BLK: variants seen among roughly 807,000 people sequenced by gnomAD.
The protein encoded by BLK is tyrosine-protein kinase Blk.
Under a neutral mutation model 61.8 loss-of-function variants are expected in BLK, and 64 were observed. The ratio of observed to expected loss-of-function variants is 1.03; its 90% confidence interval spans 0.85 to 1.27. BLK has a LOEUF of 1.27. BLK is among the 50% of genes most tolerant of loss of function. The pLI, the probability that BLK is intolerant of heterozygous loss-of-function variation, is 0.00. For missense variants in BLK, 853 were observed against 660.5 expected (o/e 1.29, Z -3.19); for synonymous variants, 351 against 272.0 (o/e 1.29, Z -2.86).
rs1185382555 is a variant in BLK at position 11,523,837 on chromosome 8, TTG to T, written c.-1-19385_-1-19384del. On this transcript the variant is annotated intron_variant, in intron 1 of 12. Coordinates refer to ENST00000259089, the MANE Select transcript of BLK (RefSeq NM_001715.3). ...CTTTTCACTGAGCAGATTGACAGAG[TTG>T]TTTTTTTTTTTTTTAATTTGTTATA... Among the ~76,000 whole-genome samples the T allele has an allele frequency of 1.8e-3, 101 of 55,456 alleles. 2 individuals carry two copies. The East Asian group carries it at 0.022, about 12-fold the overall frequency. 36.4% of individuals were successfully genotyped at this position (55,456 alleles called of 152,430 possible). A position where few individuals can be genotyped will look rare whatever the true frequency, so the allele number is the denominator to read the frequency against.
At chr8:11,509,380 T>C (rs1161898150) in intron 1 of BLK, 2 of 152,278 alleles carry the variant, frequency 1.3e-5, no homozygotes, top group African/African-American at 4.8e-5. Flanking sequence ...TCACAGCCAA[T>C]TCATGGATGA....
At position 11,564,271 on chromosome 8, in the gene BLK, C is replaced by A; in HGVS notation, c.*163C>A. On this transcript the variant is annotated 3_prime_UTR_variant, in exon 13 of 13. Transcript: ENST00000259089. The stretch of plus-strand genomic sequence containing the variant: ...TTCGCAGGGGGTCCCCGGACGGACT[C>A]CTTCACCGACTGCACCCCCGGGCGA... 3.5e-6 allele frequency: 3 copies of A among 854,996 alleles called. No homozygotes were observed. Among genetic ancestry groups the A allele is most frequent in the Non-Finnish European group, 5.7e-6 (3 of 527,830 alleles). 53.0% of individuals were successfully genotyped at this position (854,996 alleles called of 1,614,324 possible).
intron 1 of BLK, among the ~76,000 whole-genome samples, chr8:11,510,808 A>C (rs148625118): frequency 0.013 from 1,775 of 141,948 alleles, 141 homozygotes; most frequent in Admixed American, 0.11. Context: ...TAAATAAATA[A>C]ATAAATAAAT....
intron 1 of BLK, among the ~76,000 whole-genome samples, chr8:11,541,838 C>A (rs1800393917): frequency 6.6e-6 from 1 of 152,148 alleles, no homozygotes; most frequent in African/African-American, 2.4e-5. Flanking sequence ...AACCCTAAAT[C>A]TCTGAAAACT....
intron 1 of BLK, among the ~76,000 whole-genome samples, chr8:11,538,437 T>C (rs935472522): frequency 6.6e-6 from 1 of 152,168 alleles, no homozygotes; most frequent in African/African-American, 2.4e-5. Flanking sequence ...AGACCTGAGG[T>C]ACTCATGAGA....
At chr8:11,503,688 A>G (rs142791530) in intron 1 of BLK, among the ~76,000 whole-genome samples, 56 of 152,200 alleles carry the variant, frequency 3.7e-4, no homozygotes, top group African/African-American at 1.2e-3. Flanking sequence ...GCAAGGAGAC[A>G]CCTGCTCTCT....
chr8:11,528,625 C>T (rs1266763877), intron 1 of BLK, among the ~76,000 whole-genome samples: 2 of 152,092 alleles, frequency 1.3e-5, no homozygotes, highest in Non-Finnish European at 2.9e-5. Context: ...AGGGGTTGAC[C>T]CCAGGGTAAA....
Position 11,558,051 on chromosome 8 carries a change from C to G in BLK, c.1029+13C>G. On this transcript the variant is annotated intron_variant, in intron 10 of 12. Transcript: ENST00000259089. Reference sequence around the variant, plus strand: ...CATGTCGGCGCAGGTTGGTGAAGTACCAGGTGCAGAGAAAGGGCGGCATGT... The same window carrying G: ...CATGTCGGCGCAGGTTGGTGAAGTAGCAGGTGCAGAGAAAGGGCGGCATGT... 2 of 1,613,628 alleles carry G rather than the reference C, an allele frequency of 1.2e-6. No individual in the cohort carries two copies. The highest frequency in any genetic ancestry group is 2.2e-5 in the South Asian group (2 of 91,060).
intron 1 of BLK, among the ~76,000 whole-genome samples, chr8:11,514,913 T>G (rs1200521629): frequency 2.6e-5 from 4 of 152,134 alleles, no homozygotes; most frequent in African/African-American, 9.7e-5. Flanking sequence ...CCTGCTCAAA[T>G]CTAGGAGTCA....
intron 8 of BLK, 200 bp from the exon 9 acceptor site, chr8:11,556,458 T>TC (rs1178672205): frequency 1.5e-6 from 1 of 656,892 alleles, no homozygotes; most frequent in Non-Finnish European, 2.7e-6. Context: ...GGTACATTCC[T>TC]CCACTGCCTG....
intron 1 of BLK, among the ~76,000 whole-genome samples, chr8:11,504,231 A>T (rs1798673703): frequency 1.3e-5 from 2 of 152,064 alleles, no homozygotes; most frequent in South Asian, 4.2e-4. Context: ...CTGAGGTAGG[A>T]GAATTGCTTG....
chr8:11,520,418 A>C (rs1585347885), intron 1 of BLK, among the ~76,000 whole-genome samples: 1 of 136,944 alleles, frequency 7.3e-6, no homozygotes, highest in Non-Finnish European at 1.5e-5. Flanking sequence ...TTGAGGCTGC[A>C]GTGAGCCGTG....
At chr8:11,538,704 G>T (rs530106933) in intron 1 of BLK, among the ~76,000 whole-genome samples, 2 of 152,312 alleles carry the variant, frequency 1.3e-5, no homozygotes, top group East Asian at 3.9e-4. Flanking sequence ...ATGAGTCCAA[G>T]TCTGGGGAAT....
chr8:11,497,210 T>A (rs1253178226), intron 1 of BLK, among the ~76,000 whole-genome samples: 1 of 152,182 alleles, frequency 6.6e-6, no homozygotes, highest in African/African-American at 2.4e-5. Context: ...CACAAAACTC[T>A]TACAGGAAAA....
chr8:11,518,105 A>T (rs756896931), intron 1 of BLK, among the ~76,000 whole-genome samples: 1 of 152,126 alleles, frequency 6.6e-6, no homozygotes, highest in Non-Finnish European at 1.5e-5. Flanking sequence ...TGTGCAGGGT[A>T]CGCAGTGGGT....
At chr8:11,563,226 C>T (rs1046083572) in intron 12 of BLK, 116 bp downstream of exon 12, 22 of 1,460,906 alleles carry the variant, frequency 1.5e-5, no homozygotes, top group African/African-American at 1.4e-4. Context: ...AGTCCCAGAG[C>T]GAAGACGGAG....
Position 11,563,987 on chromosome 8 carries a change from G to A in BLK, c.1397G>A (p.Arg466His), listed in dbSNP as rs1181355220. The A allele has an allele frequency of 1.2e-6, 2 of 1,605,976 alleles. No homozygotes were observed. The highest frequency in any genetic ancestry group is 2.2e-5 in the East Asian group (1 of 44,868). ...RPDTCPPELY[R>H]GVIAECWRSR... ...GACACCTGCCCGCCCGAGCTGTACC[G>A]CGGCGTCATCGCCGAGTGCTGGCGC... The change falls in exon 13 of 13, where the codon CGC (arginine) becomes CAC (histidine). Residue 466 changes from arginine (R) to histidine (H), a missense_variant. Physicochemically the swap from Arg to His is conservative, Grantham distance 29. Transcript: ENST00000259089.
At chr8:11,544,640 C>T (rs1800540210) in intron 2 of BLK, among the ~76,000 whole-genome samples, 1 of 152,102 alleles carries the variant, frequency 6.6e-6, no homozygotes, top group Non-Finnish European at 1.5e-5. Context: ...TTAAAAGAGT[C>T]ACATAATATG....
At chr8:11,545,664 A>G in intron 2 of BLK, 1 of 308,830 alleles carries the variant, frequency 3.2e-6, no homozygotes, top group Non-Finnish European at 6.4e-6. Context: ...ACCTACAAAT[A>G]TGTTTGTCGA....
Sources: allele counts gnomAD v4.1 joint callset (sites outside exome capture counted in the v4.1 genomes callset), GRCh38; gene constraint gnomAD v4.1.1; transcripts MANE v1.5; gene names NCBI Gene and HGNC (gene_info 2026-07-23, HGNC 2026-07-21).